The following DIAPH3 variants were observed in gnomAD, a reference collection of about 807,000 sequenced individuals.
DIAPH3 encodes the protein protein diaphanous homolog 3.
In DIAPH3, 117 loss-of-function variants were observed where a neutral mutation model predicts 144.3. The observed-to-expected ratio is 0.81, with a 90% CI of 0.70 to 0.95. DIAPH3 has a LOEUF of 0.95. Ranked by LOEUF, DIAPH3 falls within the 40% of genes least tolerant of loss-of-function variation. The pLI is 0.00. For synonymous variants in DIAPH3, 519 were observed against 488.9 expected (o/e 1.06, Z -0.81); for missense variants, 1,421 against 1,412.7 (o/e 1.01, Z -0.09).
At chr13:59,775,001 T>C (rs1330427123) in intron 25 of DIAPH3, among the ~76,000 whole-genome samples, 178 bp from the exon 26 acceptor site, 1 of 152,224 alleles carries the variant, frequency 6.6e-6, no homozygotes, top group Non-Finnish European at 1.5e-5. Context: ...AACTATCTTT[T>C]AATGAAAACT....
At chr13:59,879,201 A>G in intron 21 of DIAPH3, 28 bp downstream of exon 21, 1 of 1,613,400 alleles carries the variant, frequency 6.2e-7, no homozygotes, top group Non-Finnish European at 8.5e-7. Flanking sequence ...GTTCAGGCAA[A>G]TATGTGTTTT....
At chr13:59,693,775 G>A (rs2033657164) in intron 27 of DIAPH3, among the ~76,000 whole-genome samples, 1 of 152,082 alleles carries the variant, frequency 6.6e-6, no homozygotes, top group Non-Finnish European at 1.5e-5. Context: ...TAAACTTGAA[G>A]CTTTAATTTA....
At chr13:60,154,207 A>G (rs1951923161) in intron 1 of DIAPH3, among the ~76,000 whole-genome samples, 1 of 152,172 alleles carries the variant, frequency 6.6e-6, no homozygotes, top group African/African-American at 2.4e-5. Flanking sequence ...TACTGTTACT[A>G]CTAATGATAA....
At chr13:59,925,035 G>A (rs984518315) in intron 17 of DIAPH3, among the ~76,000 whole-genome samples, 165 bp from the exon 18 acceptor site, 8 of 152,040 alleles carry the variant, frequency 5.3e-5, no homozygotes, top group African/African-American at 1.7e-4. Context: ...CTGAACTGTT[G>A]AAGATAGAAA....
rs183312722 is a variant in DIAPH3, at chr13:59,977,060, G to A, written c.1546-2604C>T. ...CCCTAATCTACCTATTTCCCATTAC[G>A]CAATAAATATTTAACAACACACCCG... On this transcript the variant is annotated intron_variant, in intron 14 of 27. Transcript: ENST00000400324. 1.1e-3 allele frequency among the ~76,000 whole-genome samples: 171 copies of A among 151,532 alleles called. 1 individual carries two copies. Among genetic ancestry groups the A allele is most frequent in the African/African-American group, 3.9e-3 (161 of 41,332 alleles).
intron 27 of DIAPH3, among the ~76,000 whole-genome samples, chr13:59,711,572 C>A (rs995437493): frequency 6.6e-5 from 10 of 152,164 alleles, no homozygotes; most frequent in African/African-American, 2.4e-4. Context: ...CCCTCTCTTA[C>A]CAACACCACT....
In DIAPH3 at chr13:59,848,377, A is replaced by G. The variant is rs1394337085; in HGVS notation, c.2738-8929T>C. Among the ~76,000 whole-genome samples, 3 of 145,210 alleles carry G rather than the reference A, an allele frequency of 2.1e-5. No individual in the cohort carries two copies. The East Asian group carries it at 6.0e-4, about 29-fold the overall frequency. ...CATGTGCACATTGTGCAGGTTAGTT[A>G]CATATGCATACATGTGCCATGCTGG... On this transcript the variant is annotated intron_variant, in intron 22 of 27. Transcript: ENST00000400324.
In DIAPH3 at chr13:59,666,737, A is replaced by G. The variant is rs770391478; in HGVS notation, c.3429T>C (p.His1143=). Residue 1143 remains histidine, a synonymous_variant, in exon 28 of 28, where the codon CAT becomes CAC. Coordinates refer to ENST00000400324, the MANE Select transcript of DIAPH3 (RefSeq NM_001042517.2). ...AKELNYNLDT[H]TSTGRIKAAE... ...CTGCCTTGATCCTCCCAGTAGACGT[A>G]TGAGTGTCTAGATTATAATTAAGCT... is the stretch of plus-strand genomic sequence containing the variant. The G allele has an allele frequency of 2.5e-6, 4 of 1,614,134 alleles. No homozygotes were observed. In the South Asian group the frequency reaches 4.4e-5, roughly 18 times the overall value.
intron 3 of DIAPH3, among the ~76,000 whole-genome samples, chr13:60,101,693 T>C (rs2058273051): frequency 6.6e-6 from 1 of 152,182 alleles, no homozygotes; most frequent in African/African-American, 2.4e-5. Flanking sequence ...TGTCCTCAGC[T>C]ACAGTCCTAA....
At chr13:60,065,986 CAAAAT>C (rs899546937) in intron 4 of DIAPH3, among the ~76,000 whole-genome samples, 1 of 151,930 alleles carries the variant, frequency 6.6e-6, no homozygotes, top group Admixed American at 6.6e-5. Context: ...TCATATATAT[CAAAAT>C]AAAATGTCAT....
intron 27 of DIAPH3, among the ~76,000 whole-genome samples, chr13:59,746,133 T>C (rs1311720646): frequency 6.6e-6 from 1 of 152,206 alleles, no homozygotes; most frequent in Non-Finnish European, 1.5e-5. Context: ...ATCTTTTATA[T>C]TCAGGCAGCT....
intron 21 of DIAPH3, among the ~76,000 whole-genome samples, chr13:59,873,761 G>A (rs148648250): frequency 0.011 from 1,698 of 151,114 alleles, 28 homozygotes; most frequent in African/African-American, 0.039. Context: ...CCGCCTCCCG[G>A]GTTCAAGCGA....
intron 20 of DIAPH3, among the ~76,000 whole-genome samples, chr13:59,887,723 T>C (rs1352490620): frequency 1.3e-5 from 2 of 152,152 alleles, no homozygotes; most frequent in Non-Finnish European, 2.9e-5. Context: ...ACAAGTTGGA[T>C]GATAGAAGTA....
chr13:60,018,242 T>A (rs1186994628), intron 5 of DIAPH3, among the ~76,000 whole-genome samples: 15 of 152,226 alleles, frequency 9.9e-5, no homozygotes, highest in Admixed American at 9.8e-4. Context: ...CATACTGCTA[T>A]CACCTTTAAT....
chr13:59,702,665 CCTT>C (rs1292605257), intron 27 of DIAPH3, among the ~76,000 whole-genome samples: 4 of 152,194 alleles, frequency 2.6e-5, no homozygotes, highest in Non-Finnish European at 4.4e-5. Flanking sequence ...AGATCCCCCT[CCTT>C]AAGATGAAGT....
chr13:59,893,215 A>C (rs1162404495), intron 20 of DIAPH3, among the ~76,000 whole-genome samples: 1 of 152,160 alleles, frequency 6.6e-6, no homozygotes, highest in Non-Finnish European at 1.5e-5. Context: ...AAGATTAATA[A>C]CCATATTTTA....
chr13:59,863,528 A>G (rs941237669), intron 21 of DIAPH3, among the ~76,000 whole-genome samples: 3 of 152,180 alleles, frequency 2.0e-5, no homozygotes, highest in African/African-American at 7.2e-5. Flanking sequence ...AGATTTCCGT[A>G]CCATCAGACA....
chr13:59,758,680 T>C (rs904812446), intron 27 of DIAPH3, among the ~76,000 whole-genome samples: 4 of 152,120 alleles, frequency 2.6e-5, no homozygotes, highest in African/African-American at 9.7e-5. Flanking sequence ...ATATGGGAAG[T>C]TTAAATAAAA....
At chr13:59,734,773 A>G (rs1248374794) in intron 27 of DIAPH3, among the ~76,000 whole-genome samples, 1 of 152,218 alleles carries the variant, frequency 6.6e-6, no homozygotes, top group South Asian at 2.1e-4. Context: ...TCTTCAGTCC[A>G]TCTGGTCTCA....
Sources: gnomAD v4.1 joint callset for allele counts (sites outside exome capture counted in the v4.1 genomes callset) on GRCh38, gnomAD v4.1.1 for gene constraint, MANE v1.5 for transcripts, NCBI Gene and HGNC (gene_info 2026-07-23, HGNC 2026-07-21) for gene names.